Variants in GLIS3 observed in about 807,000 individuals in gnomAD.
The protein encoded by GLIS3 is zinc finger protein GLIS3.
Under a neutral mutation model 78.6 loss-of-function variants are expected in GLIS3, and 53 were observed. That is an observed-to-expected ratio of 0.67 (90% CI 0.54 to 0.85). The LOEUF is 0.85. GLIS3 is among the 40% of genes least tolerant of loss of function. GLIS3 has a pLI of 0.00. For synonymous variants in GLIS3, 684 were observed against 509.9 expected (o/e 1.34, Z -4.60); for missense variants, 1,703 against 1,231.1 (o/e 1.38, Z -5.74).
At chr9:4,081,220 C>G (rs1828530393) in intron 4 of GLIS3, 1 of 152,328 alleles carries the variant, frequency 6.6e-6, no homozygotes, top group Middle Eastern at 3.4e-3. Context: ...CAAAAATGAC[C>G]CACTTACCTT....
chr9:3,895,617 C>T (rs967679841), intron 7 of GLIS3, among the ~76,000 whole-genome samples: 1 of 152,190 alleles, frequency 6.6e-6, no homozygotes, highest in African/African-American at 2.4e-5. Context: ...TCTTTCTTTT[C>T]AACCTGAAAA....
At chr9:4,216,557 G>A (rs777419713) in intron 2 of GLIS3, among the ~76,000 whole-genome samples, 2 of 151,716 alleles carry the variant, frequency 1.3e-5, no homozygotes, top group Non-Finnish European at 2.9e-5. Flanking sequence ...AAAATTCATT[G>A]GACTTAGAGC....
chr9:3,850,233 C>T (rs1198594736), intron 9 of GLIS3, among the ~76,000 whole-genome samples: 1 of 152,162 alleles, frequency 6.6e-6, no homozygotes, highest in Non-Finnish European at 1.5e-5. Context: ...CAAGTGATAG[C>T]AGGGCCCAGT....
intron 4 of GLIS3, among the ~76,000 whole-genome samples, chr9:4,117,209 T>C (rs987082745): frequency 1.7e-4 from 26 of 152,332 alleles, no homozygotes; most frequent in African/African-American, 6.3e-4. Flanking sequence ...GGTGATTTTA[T>C]GCCGACTATA....
intron 4 of GLIS3, chr9:4,070,934 C>G (rs1408159350): frequency 6.6e-6 from 1 of 152,122 alleles, no homozygotes; most frequent in African/African-American, 2.4e-5. Flanking sequence ...TATGTTAGCA[C>G]TCAGAAATAT....
At chr9:4,329,718 T>C (rs1019510954) in intron 2 of GLIS3, among the ~76,000 whole-genome samples, 18 of 152,146 alleles carry the variant, frequency 1.2e-4, no homozygotes, top group African/African-American at 4.1e-4. Flanking sequence ...TCCTCCAGCA[T>C]ATCCGTGCCA....
At chr9:4,408,944 C>A in the GLIS3 span, among the ~76,000 whole-genome samples, 1 of 151,704 alleles carries the variant, frequency 6.6e-6, no homozygotes, top group African/African-American at 2.4e-5. Flanking sequence ...CAAAATATCT[C>A]ATATACCCCA....
intron 2 of GLIS3, among the ~76,000 whole-genome samples, chr9:4,213,858 C>A (rs1191083670): frequency 2.0e-5 from 3 of 149,962 alleles, no homozygotes; most frequent in African/African-American, 7.4e-5. Context: ...ATATCAGGGT[C>A]ACAGATCAAG....
At chr9:4,339,562 C>A (rs1378393637) in intron 2 of GLIS3, among the ~76,000 whole-genome samples, 2 of 151,058 alleles carry the variant, frequency 1.3e-5, no homozygotes, top group East Asian at 4.0e-4. Flanking sequence ...GAAAGAACCT[C>A]TCCAACCTGT....
At chr9:4,469,847 C>G in the GLIS3 span, among the ~76,000 whole-genome samples, 5 of 151,980 alleles carry the variant, frequency 3.3e-5, no homozygotes, top group Non-Finnish European at 7.4e-5. Context: ...AATCTAGGAG[C>G]TGTTTTTTTG....
intron 2 of GLIS3, among the ~76,000 whole-genome samples, chr9:4,245,052 CA>C (rs1277469024): frequency 4.6e-5 from 7 of 152,160 alleles, no homozygotes; most frequent in African/African-American, 1.7e-4. Context: ...GGTTCTACAT[CA>C]AAAGACTGGT....
At chr9:3,860,132 G>C (rs566211304) in intron 8 of GLIS3, among the ~76,000 whole-genome samples, 1 of 151,798 alleles carries the variant, frequency 6.6e-6, no homozygotes, top group African/African-American at 2.4e-5. Context: ...AATATTAGCC[G>C]GGTGTAGTGG....
chr9:4,241,719 A>G (rs1823333688), intron 2 of GLIS3, among the ~76,000 whole-genome samples: 1 of 151,886 alleles, frequency 6.6e-6, no homozygotes, highest in African/African-American at 2.4e-5. Flanking sequence ...CTCTGTCTGG[A>G]ATGTCCAGGC....
the GLIS3 span, among the ~76,000 whole-genome samples, chr9:4,362,944 G>A: frequency 2.0e-5 from 3 of 151,992 alleles, no homozygotes; most frequent in African/African-American, 7.3e-5. Flanking sequence ...AGGTAGCAAG[G>A]GAGAAATGCT....
chr9:4,292,502 C>G (rs1437530578), intron 1 of GLIS3, among the ~76,000 whole-genome samples: 2 of 151,656 alleles, frequency 1.3e-5, no homozygotes, highest in African/African-American at 4.9e-5. Flanking sequence ...CAGAGTTGAA[C>G]AGTCAAAGTA....
intron 4 of GLIS3, among the ~76,000 whole-genome samples, chr9:4,114,320 C>A (rs1265149158): frequency 6.6e-6 from 1 of 152,100 alleles, no homozygotes; most frequent in Non-Finnish European, 1.5e-5. Flanking sequence ...CTGTTGGAAC[C>A]ATTCACTATG....
chr9:3,936,336 A>G (rs1049105551), intron 5 of GLIS3, among the ~76,000 whole-genome samples: 3 of 152,232 alleles, frequency 2.0e-5, no homozygotes, highest in Non-Finnish European at 4.4e-5. Context: ...AATCATAGAA[A>G]AGGCATTTGG....
the GLIS3 span, among the ~76,000 whole-genome samples, chr9:4,400,495 G>C: frequency 1.3e-4 from 20 of 152,276 alleles, no homozygotes; most frequent in South Asian, 3.9e-3. Flanking sequence ...CATAACCTTT[G>C]TTCCTCTGAT....
the GLIS3 span, among the ~76,000 whole-genome samples, chr9:4,476,553 G>C: frequency 1.4e-4 from 22 of 151,970 alleles, no homozygotes; most frequent in African/African-American, 5.3e-4. Flanking sequence ...GTAAGGATGG[G>C]GTTTCACCAT....
Sources: gnomAD v4.1 joint callset for allele counts (sites outside exome capture counted in the v4.1 genomes callset) on GRCh38, gnomAD v4.1.1 for gene constraint, MANE v1.5 for transcripts, NCBI Gene and HGNC (gene_info 2026-07-23, HGNC 2026-07-21) for gene names.